PEX11G: variants seen among roughly 807,000 people sequenced by gnomAD.
PEX11G encodes peroxisomal membrane protein 11C.
PEX11G carries 20 observed loss-of-function variants against 22.5 expected under a neutral mutation model. The ratio of observed to expected loss-of-function variants is 0.89; its 90% CI spans 0.62 to 1.29. The LOEUF (loss-of-function observed/expected upper bound fraction) is 1.29. Ranked by LOEUF, PEX11G falls within the 50% of genes most tolerant of loss-of-function variation. The probability of loss-of-function intolerance (pLI) is 0.00; values close to 1 mark genes in which losing one functional copy is unlikely to be tolerated. For missense variants in PEX11G, 347 were observed against 331.3 expected (o/e 1.05, Z -0.37); for synonymous variants, 141 against 154.5 (o/e 0.91, Z 0.65).
chr19:7,485,599 C>T (rs901990951), intron 2 of PEX11G, among the ~76,000 whole-genome samples: 1 of 152,128 alleles, frequency 6.6e-6, no homozygotes, highest in Non-Finnish European at 1.5e-5. Context: ...TCGTGATCCG[C>T]TCGCCTCAGC....
intron 3 of PEX11G, among the ~76,000 whole-genome samples, chr19:7,480,733 T>C (rs911060181): frequency 1.1e-4 from 16 of 151,728 alleles, no homozygotes; most frequent in Non-Finnish European, 2.2e-4. Flanking sequence ...AAGCAAAGCT[T>C]CCCCCAGAAA....
At chr19:7,490,490 A>ATTTTTTTTT (rs59322811), upstream of PEX11G, among the ~76,000 whole-genome samples, 61 of 114,876 alleles carry the variant, frequency 5.3e-4, no homozygotes, top group East Asian at 1.7e-3. Flanking sequence ...CGCCTGGGTA[A>ATTTTTTTTT]TTTTTTTTTT....
At chr19:7,488,813 C>T in intron 1 of PEX11G, 138 bp downstream of exon 1, 1 of 859,140 alleles carries the variant, frequency 1.2e-6, no homozygotes. Flanking sequence ...TGCTAGGGCA[C>T]CGCATTTGAG....
At chr19:7,482,377 G>A (rs1025939044) in intron 2 of PEX11G, among the ~76,000 whole-genome samples, 166 bp from the exon 3 acceptor site, 2 of 152,182 alleles carry the variant, frequency 1.3e-5, no homozygotes, top group Non-Finnish European at 2.9e-5. Flanking sequence ...TGGGGTCCCC[G>A]CACAGGCCTG....
intron 1 of PEX11G, 127 bp downstream of exon 1, chr19:7,488,824 C>G: frequency 1.0e-6 from 1 of 969,962 alleles, no homozygotes; most frequent in Non-Finnish European, 1.6e-6. Context: ...CGCATTTGAG[C>G]CTAGCTCGGA....
At chr19:7,490,505 T>C (rs1053623940), upstream of PEX11G, among the ~76,000 whole-genome samples, 19 of 149,624 alleles carry the variant, frequency 1.3e-4, no homozygotes, top group Non-Finnish European at 2.7e-4. Context: ...TTTTTTTTTT[T>C]TTTTTTTGTA....
Position 7,477,166 on chromosome 19 carries a change from G to T in PEX11G, c.*36C>A. 1 of 1,408,220 alleles carries T rather than the reference G, an allele frequency of 7.1e-7. No homozygotes were observed. The highest frequency in any genetic ancestry group is 9.3e-7 in the Non-Finnish European group (1 of 1,077,910). The allele number at this position is 1,408,220 out of a possible 1,614,324, so 87.2% of individuals were successfully genotyped here. A position where few individuals can be genotyped will look rare whatever the true frequency, so the allele number is the denominator to read the frequency against. Reference sequence around the variant, plus strand: ...CTGCTTTGCGGGAAGGGCCCTCCGTGGGCTCTGGCTGTGTCCCTGTGCTCT... The same window carrying T: ...CTGCTTTGCGGGAAGGGCCCTCCGTTGGCTCTGGCTGTGTCCCTGTGCTCT... On this transcript the variant is annotated 3_prime_UTR_variant, in exon 5 of 5. Coordinates refer to ENST00000221480, the MANE Select transcript of PEX11G (RefSeq NM_080662.4).
upstream of PEX11G, chr19:7,489,068 C>T: frequency 4.9e-6 from 7 of 1,437,482 alleles, no homozygotes; most frequent in Non-Finnish European, 6.3e-6. Flanking sequence ...CGGGGCCAGG[C>T]CGGGGTACCG....
At chr19:7,482,803 A>G (rs1179353274) in intron 2 of PEX11G, among the ~76,000 whole-genome samples, 1 of 152,202 alleles carries the variant, frequency 6.6e-6, no homozygotes, top group Admixed American at 6.5e-5. Context: ...GGCCTCCCTC[A>G]ACTCCGAGCA....
At chr19:7,479,977 G>C (rs2145954053) in intron 3 of PEX11G, among the ~76,000 whole-genome samples, 1 of 152,206 alleles carries the variant, frequency 6.6e-6, no homozygotes, top group South Asian at 2.1e-4. Context: ...AAAAAATAAA[G>C]TCTGGGCCGG....
upstream of PEX11G, among the ~76,000 whole-genome samples, chr19:7,490,246 A>G (rs1219895119): frequency 6.6e-6 from 1 of 152,192 alleles, no homozygotes; most frequent in Non-Finnish European, 1.5e-5. Flanking sequence ...TATATAAGCT[A>G]TATAAGCCAC....
At chr19:7,479,527 C>T (rs1977392884) in intron 3 of PEX11G, among the ~76,000 whole-genome samples, 1 of 152,180 alleles carries the variant, frequency 6.6e-6, no homozygotes, top group Admixed American at 6.5e-5. Context: ...CAGGCATCTC[C>T]ATTTAGCAAC....
chr19:7,488,646 A>G (rs1165924228), intron 1 of PEX11G, among the ~76,000 whole-genome samples: 1 of 152,064 alleles, frequency 6.6e-6, no homozygotes, highest in Non-Finnish European at 1.5e-5. Flanking sequence ...CTAAAAATAC[A>G]AAAAAATAGC....
intron 1 of PEX11G, among the ~76,000 whole-genome samples, chr19:7,486,878 C>T (rs569116896): frequency 1.3e-5 from 2 of 152,202 alleles, no homozygotes; most frequent in East Asian, 1.9e-4. Flanking sequence ...GGATTACAGG[C>T]GTAAGCCACC....
intron 1 of PEX11G, among the ~76,000 whole-genome samples, chr19:7,486,890 C>T (rs1259998784): frequency 2.0e-5 from 3 of 152,150 alleles, no homozygotes; most frequent in African/African-American, 7.2e-5. Flanking sequence ...TAAGCCACCG[C>T]GCCTGGCTAC....
chr19:7,478,227 T>G, intron 4 of PEX11G, 87 bp downstream of exon 4: 1 of 1,415,552 alleles, frequency 7.1e-7, no homozygotes, highest in Admixed American at 2.0e-5. Flanking sequence ...GTCCCCAGCA[T>G]GGGCCTGCAC....
intron 2 of PEX11G, among the ~76,000 whole-genome samples, chr19:7,484,428 A>G (rs564447719): frequency 1.4e-4 from 21 of 152,224 alleles, no homozygotes; most frequent in African/African-American, 4.6e-4. Flanking sequence ...TATGTAAACC[A>G]TATGTATTTG....
chr19:7,477,564 G>A, intron 4 of PEX11G, 128 bp from the exon 5 acceptor site: 1 of 752,646 alleles, frequency 1.3e-6, no homozygotes. Context: ...TGGCAGGACT[G>A]AGGTGGCCTC....
chr19:7,486,906 A>T (rs1337335263), intron 1 of PEX11G, among the ~76,000 whole-genome samples: 3 of 151,994 alleles, frequency 2.0e-5, no homozygotes, highest in Admixed American at 6.6e-5. Context: ...GCTACCAAAA[A>T]TTTTTTTAAG....
Sources: gnomAD v4.1 joint callset for allele counts (sites outside exome capture counted in the v4.1 genomes callset) on GRCh38, gnomAD v4.1.1 for gene constraint, MANE v1.5 for transcripts, NCBI Gene and HGNC (gene_info 2026-07-23, HGNC 2026-07-21) for gene names.